Variants in PDE12 observed in about 807,000 individuals in gnomAD.
The protein encoded by PDE12 is 2',5'-phosphodiesterase 12.
In PDE12, 26 loss-of-function variants were observed where a neutral mutation model predicts 45.4. That is an observed-to-expected ratio of 0.57 (90% CI 0.42 to 0.79). The LOEUF is 0.79. Ranked by LOEUF, PDE12 falls within the 30% of genes least tolerant of loss-of-function variation. The pLI is 0.00. For synonymous variants in PDE12, 283 were observed against 323.9 expected, an observed-to-expected ratio of 0.87 and a Z score of 1.36; for missense variants, 668 against 790.0, an observed-to-expected ratio of 0.85 and a Z score of 1.85.
At chr3:57,647,378 C>G in the PDE12 span, among the ~76,000 whole-genome samples, 1 of 152,106 alleles carries the variant, frequency 6.6e-6, no homozygotes. Context: ...TAAAGCAGAA[C>G]ATGGTAGGTA....
At chr3:57,634,698 C>T in the PDE12 span, 1 of 1,538,150 alleles carries the variant, frequency 6.5e-7, no homozygotes, top group Non-Finnish European at 8.8e-7. Context: ...CAATAAAAGT[C>T]AATACCAGGT....
the PDE12 span, among the ~76,000 whole-genome samples, chr3:57,605,693 T>C: frequency 2.0e-5 from 3 of 152,180 alleles, no homozygotes; most frequent in African/African-American, 7.2e-5. Flanking sequence ...TACAAAATTA[T>C]TGGGCATGCA....
chr3:57,628,190 T>C, the PDE12 span: 12 of 1,608,072 alleles, frequency 7.5e-6, no homozygotes, highest in Non-Finnish European at 1.0e-5. Context: ...ATAATCCTTT[T>C]TGGCTGGAAA....
At chr3:57,653,831 GTT>G in the PDE12 span, among the ~76,000 whole-genome samples, 9 of 139,756 alleles carry the variant, frequency 6.4e-5, no homozygotes, top group African/African-American at 1.8e-4. Context: ...AAATCACTGG[GTT>G]TTTTTTTTTT....
the PDE12 span, among the ~76,000 whole-genome samples, chr3:57,652,360 C>T: frequency 6.6e-6 from 1 of 152,252 alleles, no homozygotes; most frequent in Admixed American, 6.5e-5. Context: ...CAGAGAACTG[C>T]GATCTCCAGC....
the PDE12 span, chr3:57,634,903 T>G: frequency 1.6e-6 from 1 of 644,084 alleles, no homozygotes. Context: ...TCTATTAATA[T>G]GTTAAGGGTT....
At chr3:57,621,046 G>A in the PDE12 span, among the ~76,000 whole-genome samples, 1 of 152,080 alleles carries the variant, frequency 6.6e-6, no homozygotes, top group Non-Finnish European at 1.5e-5. Flanking sequence ...CAAACTGGAG[G>A]GCTAACACCA....
the PDE12 span, among the ~76,000 whole-genome samples, chr3:57,599,655 G>C: frequency 6.6e-6 from 1 of 152,098 alleles, no homozygotes; most frequent in Non-Finnish European, 1.5e-5. Context: ...AGATTTTTCA[G>C]TAAGAATACA....
chr3:57,631,054 C>CT, the PDE12 span: 1 of 1,416,322 alleles, frequency 7.1e-7, no homozygotes, highest in Non-Finnish European at 9.8e-7. Flanking sequence ...AGGAATGGGT[C>CT]TTTTAAGTTT....
chr3:57,631,716 C>CTTTTTTTTTT, the PDE12 span, among the ~76,000 whole-genome samples: 2 of 92,014 alleles, frequency 2.2e-5, no homozygotes, highest in African/African-American at 4.1e-5. Flanking sequence ...TCTCTGCTCT[C>CTTTTTTTTTT]TTTTTTTTTT....
At chr3:57,577,243 T>A in the PDE12 span, 1 of 1,246,288 alleles carries the variant, frequency 8.0e-7, no homozygotes, top group Non-Finnish European at 1.2e-6. Flanking sequence ...ATAGTCAAAA[T>A]GTACTAAACC....
chr3:57,630,624 T>C, the PDE12 span: 1 of 1,530,636 alleles, frequency 6.5e-7, no homozygotes, highest in Non-Finnish European at 8.8e-7. Flanking sequence ...TTAGTAGAAT[T>C]TTTTAAAAAG....
the PDE12 span, among the ~76,000 whole-genome samples, chr3:57,624,953 G>A: frequency 1.3e-5 from 2 of 152,082 alleles, no homozygotes; most frequent in South Asian, 4.2e-4. Flanking sequence ...AGGCGGGAGT[G>A]CAGTGGTGTG....
rs1344320604 is a variant in PDE12 at position 57,557,364 on chromosome 3, G to T, written c.985G>T (p.Asp329Tyr). 3 of 1,613,942 alleles carry T rather than the reference G, an allele frequency of 1.9e-6. No individual in the cohort carries two copies. Among genetic ancestry groups the T allele is most frequent in the East Asian group, 2.2e-5 (1 of 44,858 alleles). The change falls in exon 1 of 3, where the codon GAC becomes TAC. Residue 329 changes from aspartate to tyrosine, a missense_variant. Coordinates refer to ENST00000311180, the MANE Select transcript of PDE12 (RefSeq NM_177966.7). ...CTGTGCCCCCTACGCCCTGGAGCTC[G>T]ACTACCGCCAGAACCTTATCCAGAA... ...PYCAPYALEL[D>Y]YRQNLIQKEL...
chr3:57,580,274 C>T, the PDE12 span, among the ~76,000 whole-genome samples: 12 of 152,212 alleles, frequency 7.9e-5, no homozygotes, highest in African/African-American at 2.9e-4. Flanking sequence ...AGATTAAATG[C>T]AATCACAGAG....
At chr3:57,596,880 G>A in the PDE12 span, 3 of 596,248 alleles carry the variant, frequency 5.0e-6, no homozygotes, top group South Asian at 6.0e-5. Context: ...TGTCTCGTCT[G>A]GCGACAGATC....
At chr3:57,627,152 T>A in the PDE12 span, 1 of 152,216 alleles carries the variant, frequency 6.6e-6, no homozygotes, top group Non-Finnish European at 1.5e-5. Context: ...TTTAATTTTT[T>A]ATTTTTGTTG....
the PDE12 span, among the ~76,000 whole-genome samples, chr3:57,617,621 G>T: frequency 6.6e-6 from 1 of 151,964 alleles, no homozygotes; most frequent in Admixed American, 6.6e-5. Flanking sequence ...CCAGCACTTT[G>T]GGAGGCCGAG....
chr3:57,623,439 G>A, the PDE12 span, among the ~76,000 whole-genome samples: 1 of 152,200 alleles, frequency 6.6e-6, no homozygotes. Context: ...AGCACTTTGG[G>A]AGGCTGAGGC....
Sources: gnomAD v4.1 joint callset for allele counts (sites outside exome capture counted in the v4.1 genomes callset) on GRCh38, gnomAD v4.1.1 for gene constraint, MANE v1.5 for transcripts, NCBI Gene and HGNC (gene_info 2026-07-23, HGNC 2026-07-21) for gene names.